Variants in DIP2C observed in about 807,000 individuals in gnomAD.
DIP2C encodes the protein disco-interacting protein 2 homolog C.
In DIP2C, 33 loss-of-function variants were observed where a neutral mutation model predicts 192.4. The ratio of observed to expected loss-of-function variants is 0.17; its 90% CI spans 0.13 to 0.23. The LOEUF is 0.23. Among genes scored for constraint, DIP2C ranks in the 10% least tolerant of loss-of-function variants. DIP2C has a pLI of 1.00. For synonymous variants in DIP2C, 979 were observed against 864.1 expected (o/e 1.13, Z -2.33); for missense variants, 1,537 against 2,110.1 (o/e 0.73, Z 5.32).
intron 4 of DIP2C, among the ~76,000 whole-genome samples, chr10:430,847 T>C (rs1055281048): frequency 6.6e-6 from 1 of 152,214 alleles, no homozygotes; most frequent in Non-Finnish European, 1.5e-5. Flanking sequence ...TTCACCACTA[T>C]ACTAATGAGG....
chr10:274,693 G>A lies in DIP2C; in HGVS notation c.*2632C>T, dbSNP rs1407183663. ...CTGATAAAAGGGACCATCTCCCTTGGGTAAAGTGTCAAGCAGGATTAAATA... is the reference window on the plus strand; with the variant it reads ...CTGATAAAAGGGACCATCTCCCTTGAGTAAAGTGTCAAGCAGGATTAAATA... On this transcript the variant is annotated 3_prime_UTR_variant, in exon 37 of 37. Transcript: ENST00000280886. 1 of 152,106 alleles carries A rather than the reference G, an allele frequency of 6.6e-6. No homozygotes were observed. 9.4% of individuals were successfully genotyped at this position (152,106 alleles called of 1,614,324 possible).
At chr10:566,527 A>G (rs1268408906) in intron 1 of DIP2C, among the ~76,000 whole-genome samples, 1 of 152,212 alleles carries the variant, frequency 6.6e-6, no homozygotes, top group Non-Finnish European at 1.5e-5. Context: ...TGACACTTAC[A>G]CGTTCAGATA....
At chr10:326,310 G>A (rs753867536) in intron 31 of DIP2C, among the ~76,000 whole-genome samples, 11 of 152,182 alleles carry the variant, frequency 7.2e-5, no homozygotes, top group Admixed American at 1.3e-4. Context: ...CTAGACAGGC[G>A]TGAAAAGGGC....
Position 637,533 on chromosome 10 carries a change from G to A in DIP2C, c.85+51961C>T, listed in dbSNP as rs576428829. Among the ~76,000 whole-genome samples, 104 of 152,194 alleles carry A rather than the reference G, an allele frequency of 6.8e-4. 1 individual carries two copies. Among genetic ancestry groups the A allele is most frequent in the Non-Finnish European group, 2.2e-4 (15 of 68,036 alleles). ...TCCGCACACAGTGGAAGGAGCGAGG[G>A]AGCTCTCTGTAGTCCCTTTTATGAG... On this transcript the variant is annotated intron_variant, in intron 1 of 36. Coordinates refer to ENST00000280886, the MANE Select transcript of DIP2C (RefSeq NM_014974.3).
At chr10:653,687 T>C (rs1208756262) in intron 1 of DIP2C, among the ~76,000 whole-genome samples, 2 of 152,206 alleles carry the variant, frequency 1.3e-5, no homozygotes, top group African/African-American at 2.4e-5. Context: ...AATACATTTC[T>C]TTGGGTGAGA....
intron 10 of DIP2C, among the ~76,000 whole-genome samples, chr10:395,282 A>G (rs1162350628): frequency 1.3e-5 from 2 of 152,158 alleles, no homozygotes; most frequent in South Asian, 2.1e-4. Flanking sequence ...CAAAATAACC[A>G]AGAGTATATT....
At chr10:321,591 C>T (rs201345834) in intron 31 of DIP2C, among the ~76,000 whole-genome samples, 3,638 of 109,908 alleles carry the variant, frequency 0.033, 59 homozygotes, top group East Asian at 0.11. Context: ...GGGGCTCCAG[C>T]GAGAGACCGG....
intron 1 of DIP2C, among the ~76,000 whole-genome samples, chr10:506,750 G>A (rs934881718): frequency 5.3e-5 from 8 of 152,218 alleles, no homozygotes; most frequent in Non-Finnish European, 8.8e-5. Flanking sequence ...CCCAAAGCAC[G>A]GAGGAGGGGC....
At chr10:528,381 A>AGCTCCCCCAGAACGCAGACCGCCCACT (rs1564821167) in intron 1 of DIP2C, among the ~76,000 whole-genome samples, 276 of 81,976 alleles carry the variant, frequency 3.4e-3, no homozygotes, top group Middle Eastern at 0.017. Context: ...GACCGCCCGC[A>AGCTCCCCCAGAACGCAGACCGCCCACT]GCTCCCCCAG....
At chr10:608,114 C>A (rs1231028145) in intron 1 of DIP2C, among the ~76,000 whole-genome samples, 2 of 129,002 alleles carry the variant, frequency 1.6e-5, no homozygotes, top group Admixed American at 7.7e-5. Context: ...AACACACACA[C>A]CACACACACA....
intron 3 of DIP2C, among the ~76,000 whole-genome samples, chr10:464,739 T>C (rs145639850): frequency 6.6e-6 from 1 of 152,306 alleles, no homozygotes; most frequent in East Asian, 1.9e-4. Context: ...CAAATGCCCA[T>C]CAATGATAGA....
At chr10:318,098 G>A (rs1415220168) in intron 31 of DIP2C, among the ~76,000 whole-genome samples, 2 of 152,304 alleles carry the variant, frequency 1.3e-5, no homozygotes, top group Non-Finnish European at 1.5e-5. Flanking sequence ...CTGGGGCTAT[G>A]GAGATGCGTA....
Position 579,231 on chromosome 10 carries a change from G to A in DIP2C, c.86-92701C>T, listed in dbSNP as rs61261220. Among the ~76,000 whole-genome samples, 208 of 151,850 alleles carry A rather than the reference G, an allele frequency of 1.4e-3. 5 individuals carry two copies. The East Asian group carries it at 0.036, about 27-fold the overall frequency. ...ATACACACATCCAGATCCATTTAGT[G>A]TACGTACATAGGTACACTAACATGT... On this transcript the variant is annotated intron_variant, in intron 1 of 36. Coordinates refer to ENST00000280886, the MANE Select transcript of DIP2C (RefSeq NM_014974.3).
At chr10:335,306 C>A (rs890939476) in intron 29 of DIP2C, among the ~76,000 whole-genome samples, 16 of 152,202 alleles carry the variant, frequency 1.1e-4, no homozygotes, top group African/African-American at 3.1e-4. Context: ...TGGTGAATCA[C>A]TGACCTGATG....
chr10:386,230 G>T (rs1221022881), intron 14 of DIP2C, among the ~76,000 whole-genome samples: 3 of 152,210 alleles, frequency 2.0e-5, no homozygotes, highest in East Asian at 3.9e-4. Context: ...AAACGTGTAG[G>T]TGGAGTGAGT....
chr10:485,375 C>T (rs1302249989), intron 2 of DIP2C, among the ~76,000 whole-genome samples: 1 of 152,194 alleles, frequency 6.6e-6, no homozygotes, highest in Non-Finnish European at 1.5e-5. Flanking sequence ...TGCCCTGAAG[C>T]CTCTCGCCCC....
At chr10:581,373 AAT>A (rs1444080348) in intron 1 of DIP2C, among the ~76,000 whole-genome samples, 4 of 152,366 alleles carry the variant, frequency 2.6e-5, no homozygotes, top group East Asian at 1.9e-4. Context: ...GTCTTCTGCA[AAT>A]ATGAGTTTCT....
intron 2 of DIP2C, among the ~76,000 whole-genome samples, chr10:483,327 C>G (rs1843746834): frequency 6.6e-6 from 1 of 152,246 alleles, no homozygotes. Context: ...AGATCCTGCA[C>G]AAAGGAAGTC....
intron 17 of DIP2C, among the ~76,000 whole-genome samples, chr10:375,860 A>C (rs1302189517): frequency 1.6e-5 from 1 of 63,508 alleles, no homozygotes; most frequent in Admixed American, 1.9e-4. Context: ...CAAGTGAGTC[A>C]ACAAGGTCTT....
Sources: gnomAD v4.1 joint callset for allele counts (sites outside exome capture counted in the v4.1 genomes callset) on GRCh38, gnomAD v4.1.1 for gene constraint, MANE v1.5 for transcripts, NCBI Gene and HGNC (gene_info 2026-07-23, HGNC 2026-07-21) for gene names.